Variants in RALYL observed in about 807,000 individuals in gnomAD.
The protein encoded by RALYL is RNA-binding Raly-like protein.
RALYL carries 29 observed loss-of-function variants against 35.1 expected under a neutral mutation model. That is an observed-to-expected ratio of 0.83 (90% CI 0.61 to 1.13). The LOEUF (loss-of-function observed/expected upper bound fraction) is 1.13. RALYL is among the 50% of genes most tolerant of loss of function. The pLI is 0.00. For missense variants in RALYL, 359 were observed against 360.4 expected (o/e 1.00, Z 0.03); for synonymous variants, 120 against 127.6 (o/e 0.94, Z 0.40).
At chr8:84,710,827 CAG>C (rs1422128737) in intron 2 of RALYL, among the ~76,000 whole-genome samples, 2 of 152,022 alleles carry the variant, frequency 1.3e-5, no homozygotes, top group Non-Finnish European at 2.9e-5. Flanking sequence ...TACTACTTTC[CAG>C]AGACTGCTCT....
chr8:84,707,498 A>C lies in RALYL; in HGVS notation c.257-67081A>C, dbSNP rs1057454404. 1.1e-4 allele frequency among the ~76,000 whole-genome samples: 17 copies of C among 152,242 alleles called. No individual in the cohort carries two copies. The East Asian group carries it at 2.5e-3, about 22-fold the overall frequency. ...AGAGATTCACAGAAAAATTATACTG[A>C]GTGTCTCCCCTTAAAATGTGCTCAC... is the stretch of plus-strand genomic sequence containing the variant. On this transcript the variant is annotated intron_variant, in intron 2 of 8. Transcript: ENST00000521268.
intron 1 of RALYL, among the ~76,000 whole-genome samples, chr8:84,279,380 T>G (rs1339529570): frequency 6.6e-6 from 1 of 152,224 alleles, no homozygotes; most frequent in Non-Finnish European, 1.5e-5. Flanking sequence ...GTAAGTTTGA[T>G]GTCCATATTA....
chr8:84,536,786 T>C (rs1394914360), intron 2 of RALYL, among the ~76,000 whole-genome samples: 1 of 152,198 alleles, frequency 6.6e-6, no homozygotes, highest in Admixed American at 6.5e-5. Context: ...CATAATTTCT[T>C]AACTTGATAG....
At chr8:84,904,812 T>TA (rs950075367) in intron 8 of RALYL, among the ~76,000 whole-genome samples, 10 of 152,130 alleles carry the variant, frequency 6.6e-5, no homozygotes, top group African/African-American at 1.4e-4. Flanking sequence ...ACTTTTTTTT[T>TA]ATTCCCTTTC....
At chr8:84,775,104 C>A (rs562114375) in intron 3 of RALYL, among the ~76,000 whole-genome samples, 2 of 152,152 alleles carry the variant, frequency 1.3e-5, no homozygotes, top group African/African-American at 4.8e-5. Flanking sequence ...TGCCCACCAC[C>A]ACACCCAGCT....
At chr8:84,758,228 C>G (rs1811886659) in intron 2 of RALYL, among the ~76,000 whole-genome samples, 1 of 152,118 alleles carries the variant, frequency 6.6e-6, no homozygotes, top group Admixed American at 6.6e-5. Context: ...TCATAGCTTT[C>G]CAATGGAGTT....
intron 1 of RALYL, among the ~76,000 whole-genome samples, chr8:84,500,091 G>A (rs1261510624): frequency 1.3e-5 from 2 of 151,926 alleles, no homozygotes; most frequent in African/African-American, 4.8e-5. Context: ...ACCACATTTA[G>A]GCCTATATGA....
At chr8:84,337,813 C>T (rs2029581) in intron 1 of RALYL, among the ~76,000 whole-genome samples, 58,250 of 151,752 alleles carry the variant, frequency 0.38, 11,809 homozygotes, top group East Asian at 0.51. Context: ...ACACTCAACT[C>T]ACCTTTTAAA....
chr8:84,898,298 C>T (rs1461252550), intron 8 of RALYL, among the ~76,000 whole-genome samples: 2 of 152,140 alleles, frequency 1.3e-5, no homozygotes, highest in African/African-American at 4.8e-5. Flanking sequence ...TACTGAAGTT[C>T]GAGAACCCTG....
chr8:84,279,056 C>G (rs542624406), intron 1 of RALYL, among the ~76,000 whole-genome samples: 12 of 152,274 alleles, frequency 7.9e-5, no homozygotes, highest in African/African-American at 1.9e-4. Context: ...AATGGACTCA[C>G]AGTCCCACAT....
chr8:84,402,530 T>C (rs2132000897), intron 1 of RALYL, among the ~76,000 whole-genome samples: 1 of 152,218 alleles, frequency 6.6e-6, no homozygotes, highest in East Asian at 1.9e-4. Context: ...GAAACAAGAC[T>C]GGGTATCACT....
intron 1 of RALYL, among the ~76,000 whole-genome samples, chr8:84,261,291 C>CTCA (rs36089061): frequency 0.43 from 65,506 of 151,784 alleles, 14,328 homozygotes; most frequent in East Asian, 0.53. Context: ...CCACAAAAAT[C>CTCA]TCATCTTTAA....
intron 3 of RALYL, 115 bp from the exon 4 acceptor site, chr8:84,804,655 C>T (rs1051526694): frequency 1.0e-5 from 4 of 396,148 alleles, no homozygotes; most frequent in Non-Finnish European, 1.7e-5. Context: ...ACTGGTGCTA[C>T]ATTATGCATT....
chr8:84,364,048 T>C (rs902728489), intron 1 of RALYL, among the ~76,000 whole-genome samples: 1 of 152,168 alleles, frequency 6.6e-6, no homozygotes, highest in Non-Finnish European at 1.5e-5. Flanking sequence ...AGTCTTGTTA[T>C]GCAGTATCTC....
At chr8:84,549,847 G>T (rs553053226) in intron 2 of RALYL, among the ~76,000 whole-genome samples, 2 of 152,232 alleles carry the variant, frequency 1.3e-5, no homozygotes, top group African/African-American at 2.4e-5. Flanking sequence ...AGATTTTTTT[G>T]ATCAGAAGCT....
chr8:84,219,667 G>C (rs1217197125), intron 1 of RALYL, among the ~76,000 whole-genome samples: 1 of 151,870 alleles, frequency 6.6e-6, no homozygotes, highest in Admixed American at 6.6e-5. Context: ...AAATGGATGA[G>C]AATGCAGGGT....
intron 8 of RALYL, among the ~76,000 whole-genome samples, chr8:84,890,271 T>C (rs1843598212): frequency 1.3e-5 from 2 of 151,834 alleles, no homozygotes; most frequent in Admixed American, 1.3e-4. Flanking sequence ...CAAGTGACTG[T>C]GATTAGTCTA....
At chr8:84,506,053 T>A (rs1186281912) in intron 1 of RALYL, among the ~76,000 whole-genome samples, 1 of 152,064 alleles carries the variant, frequency 6.6e-6, no homozygotes, top group African/African-American at 2.4e-5. Context: ...CCGATTAAAT[T>A]GATCACGACA....
chr8:84,641,882 C>T (rs936152083), intron 2 of RALYL, among the ~76,000 whole-genome samples: 3 of 149,794 alleles, frequency 2.0e-5, no homozygotes, highest in African/African-American at 7.4e-5. Flanking sequence ...ATACCTTAAA[C>T]ATTTAGCAAA....
Sources: allele counts gnomAD v4.1 joint callset (sites outside exome capture counted in the v4.1 genomes callset), GRCh38; gene constraint gnomAD v4.1.1; transcripts MANE v1.5; gene names NCBI Gene and HGNC (gene_info 2026-07-23, HGNC 2026-07-21).